Variants in MARCHF1 observed in about 807,000 individuals in gnomAD.
MARCHF1 encodes E3 ubiquitin-protein ligase MARCHF1.
MARCHF1 carries 40 observed loss-of-function variants against 54.2 expected under a neutral mutation model. The observed-to-expected ratio is 0.74, with a 90% CI of 0.57 to 0.96. The LOEUF (loss-of-function observed/expected upper bound fraction) is 0.96, where lower values mean the gene tolerates loss of function less well. Ranked by LOEUF, MARCHF1 falls within the 40% of genes least tolerant of loss-of-function variation. The pLI is 0.00. For missense variants in MARCHF1, 586 were observed against 656.5 expected, an observed-to-expected ratio of 0.89 and a Z score of 1.17; for synonymous variants, 236 against 236.3, an observed-to-expected ratio of 1.00 and a Z score of 0.01.
At chr4:164,167,671 GT>G (rs1269892363) in intron 1 of MARCHF1, among the ~76,000 whole-genome samples, 1 of 151,876 alleles carries the variant, frequency 6.6e-6, no homozygotes, top group Non-Finnish European at 1.5e-5. Context: ...GGAGGACATA[GT>G]GGGGAACAAT....
rs537689494 is a variant in MARCHF1, at chr4:164,230,301, A to T, written c.-322-118639T>A. ...TCCCAGCTACTCAGGAGGCTGACAC[A>T]GGAGAATCACTTGAACCCAGGAGGA... is the stretch of plus-strand genomic sequence containing the variant. On this transcript the variant is annotated intron_variant, in intron 1 of 9. Coordinates refer to ENST00000514618, the MANE Select transcript of MARCHF1 (RefSeq NM_001394959.1). Among the ~76,000 whole-genome samples the T allele has an allele frequency of 5.3e-5, 8 of 152,032 alleles. No individual in the cohort carries two copies. In the East Asian group the frequency reaches 7.8e-4, roughly 15 times the overall value.
intron 1 of MARCHF1, among the ~76,000 whole-genome samples, chr4:164,357,336 C>G (rs1730587918): frequency 6.6e-6 from 1 of 152,014 alleles, no homozygotes; most frequent in African/African-American, 2.4e-5. Context: ...TCCTCCATCT[C>G]CAAAGCTCAT....
chr4:163,705,551 T>C (rs1381463121), intron 4 of MARCHF1, among the ~76,000 whole-genome samples: 6 of 152,104 alleles, frequency 3.9e-5, no homozygotes, highest in Admixed American at 1.3e-4. Flanking sequence ...CATAATCCGT[T>C]AGATTAATAC....
chr4:164,161,615 T>C (rs1730242189), intron 1 of MARCHF1, among the ~76,000 whole-genome samples: 1 of 152,076 alleles, frequency 6.6e-6, no homozygotes, highest in Non-Finnish European at 1.5e-5. Context: ...GAAGGGAGCA[T>C]TGATGACAAC....
chr4:163,684,180 T>C (rs1228854092), intron 5 of MARCHF1, among the ~76,000 whole-genome samples: 1 of 152,154 alleles, frequency 6.6e-6, no homozygotes, highest in Non-Finnish European at 1.5e-5. Context: ...AAGGTTCGCC[T>C]AGTTTCAAGG....
intron 4 of MARCHF1, among the ~76,000 whole-genome samples, chr4:163,851,038 G>A (rs1028396649): frequency 6.6e-6 from 1 of 152,080 alleles, no homozygotes; most frequent in African/African-American, 2.4e-5. Context: ...ACCCTGCTAA[G>A]ATCTCAGGGA....
chr4:163,652,432 A>C (rs2111074314), intron 5 of MARCHF1, among the ~76,000 whole-genome samples: 1 of 151,890 alleles, frequency 6.6e-6, no homozygotes, highest in African/African-American at 2.4e-5. Context: ...CCTTCAACAC[A>C]CTAAGACCTC....
At chr4:164,309,261 T>TGCGC (rs1270240435) in intron 1 of MARCHF1, among the ~76,000 whole-genome samples, 207 of 141,286 alleles carry the variant, frequency 1.5e-3, no homozygotes, top group Non-Finnish European at 2.6e-3. Context: ...AACCTGTGTG[T>TGCGC]GTGTGTGTGT....
rs1411067684 is a variant in MARCHF1 at position 163,713,066 on chromosome 4, ATTAT to A, written c.112-12207_112-12204del. Among the ~76,000 whole-genome samples, 5 of 152,176 alleles carry A rather than the reference ATTAT, an allele frequency of 3.3e-5. No homozygotes were observed. In the East Asian group the frequency reaches 7.7e-4, roughly 24 times the overall value. On this transcript the variant is annotated intron_variant, in intron 4 of 9. Coordinates refer to ENST00000514618, the MANE Select transcript of MARCHF1 (RefSeq NM_001394959.1). ...CTTTCATCATTTTCTGTCTCTCTTC[ATTAT>A]TTAGAGTATTCCCTTATTAAGCTAT...
At chr4:164,302,522 A>G (rs1376245821) in intron 1 of MARCHF1, among the ~76,000 whole-genome samples, 4 of 152,208 alleles carry the variant, frequency 2.6e-5, no homozygotes, top group African/African-American at 9.7e-5. Context: ...TTTCAGTTAC[A>G]GAACATAAGC....
intron 8 of MARCHF1, among the ~76,000 whole-genome samples, chr4:163,564,757 C>G (rs1469573746): frequency 6.6e-6 from 1 of 152,178 alleles, no homozygotes; most frequent in East Asian, 1.9e-4. Context: ...CTTAAGGAAG[C>G]CCAGTTTTCT....
chr4:164,188,306 C>A (rs1473788928), intron 1 of MARCHF1: 3 of 327,878 alleles, frequency 9.1e-6, no homozygotes, highest in Non-Finnish European at 1.8e-5. Flanking sequence ...GGCGGGTAAC[C>A]GCGCTGCGCT....
chr4:163,925,049 A>C (rs77596626), intron 3 of MARCHF1, among the ~76,000 whole-genome samples: 1 of 151,764 alleles, frequency 6.6e-6, no homozygotes, highest in Non-Finnish European at 1.5e-5. Context: ...TTGATTTCCA[A>C]TGGTTTTGAA....
At position 164,030,048 on chromosome 4, in the gene MARCHF1, C is replaced by T. The variant is rs1025187192; in HGVS notation, c.-247-41339G>A. Among the ~76,000 whole-genome samples the T allele has an allele frequency of 4.6e-5, 7 of 152,202 alleles. No homozygotes were observed. In the East Asian group the frequency reaches 5.8e-4, roughly 13 times the overall value. On this transcript the variant is annotated intron_variant, in intron 2 of 9. Coordinates refer to ENST00000514618, the MANE Select transcript of MARCHF1 (RefSeq NM_001394959.1). ...ACCAGATAAAGAGAAAACCAATTAGCGGACAGCTATATTTCTTGAAAAGCA... is the reference window on the plus strand; with the variant it reads ...ACCAGATAAAGAGAAAACCAATTAGTGGACAGCTATATTTCTTGAAAAGCA...
intron 2 of MARCHF1, among the ~76,000 whole-genome samples, chr4:164,040,064 A>G (rs2111016062): frequency 6.8e-6 from 1 of 146,474 alleles, no homozygotes; most frequent in Admixed American, 6.9e-5. Flanking sequence ...TACAAATTAT[A>G]TATTAGTATA....
chr4:163,805,440 C>A (rs1156668637), intron 4 of MARCHF1, among the ~76,000 whole-genome samples: 1 of 151,528 alleles, frequency 6.6e-6, no homozygotes, highest in Non-Finnish European at 1.5e-5. Context: ...GACATGAATG[C>A]AAAAAACTTT....
intron 2 of MARCHF1, among the ~76,000 whole-genome samples, chr4:164,109,597 C>T (rs1755787092): frequency 6.6e-6 from 1 of 151,686 alleles, no homozygotes; most frequent in Non-Finnish European, 1.5e-5. Flanking sequence ...TTTCTCCTTG[C>T]ACCTTTCCCA....
chr4:164,073,208 T>C (rs1444226578), intron 2 of MARCHF1, among the ~76,000 whole-genome samples: 3 of 152,218 alleles, frequency 2.0e-5, no homozygotes, highest in Non-Finnish European at 4.4e-5. Context: ...GTGTTCATTG[T>C]GGCACTGTTC....
At chr4:163,957,837 T>C (rs139063167) in intron 3 of MARCHF1, among the ~76,000 whole-genome samples, 1 of 152,076 alleles carries the variant, frequency 6.6e-6, no homozygotes, top group Non-Finnish European at 1.5e-5. Context: ...CATCCAGATA[T>C]GATCTGCACT....
Sources: allele counts gnomAD v4.1 joint callset (sites outside exome capture counted in the v4.1 genomes callset), GRCh38; gene constraint gnomAD v4.1.1; transcripts MANE v1.5; gene names NCBI Gene and HGNC (gene_info 2026-07-23, HGNC 2026-07-21).